PAH: variants seen among roughly 807,000 people sequenced by gnomAD.
PAH encodes phenylalanine-4-hydroxylase.
In PAH, 64 loss-of-function variants were observed where a neutral mutation model predicts 62.0. That is an observed-to-expected ratio of 1.03 (90% CI 0.84 to 1.27). The LOEUF (loss-of-function observed/expected upper bound fraction) is 1.27, where lower values mean the gene tolerates loss of function less well. Among genes scored for constraint, PAH ranks in the 50% most tolerant of loss-of-function variants. The pLI is 0.00. For synonymous variants in PAH, 195 were observed against 196.2 expected (o/e 0.99, Z 0.05); for missense variants, 579 against 542.8 (o/e 1.07, Z -0.66).
chr12:102,917,859 A>C (rs1329941529), upstream of PAH, among the ~76,000 whole-genome samples: 1 of 152,260 alleles, frequency 6.6e-6, no homozygotes, highest in Non-Finnish European at 1.5e-5. Flanking sequence ...GAAGGTTTTA[A>C]GAATAGGAAT....
At chr12:102,894,170 G>A (rs993104205) in intron 3 of PAH, among the ~76,000 whole-genome samples, 3 of 152,080 alleles carry the variant, frequency 2.0e-5, no homozygotes, top group Admixed American at 6.5e-5. Flanking sequence ...TATGGCTTTC[G>A]AGTTATCCCA....
rs542600394 is a variant in PAH at position 102,884,827 on chromosome 12, G to C, written c.353-7277C>G. On this transcript the variant is annotated intron_variant, in intron 3 of 12. Transcript: ENST00000553106. ...TTTTCCTCTAAAGTTACATTTTCTT[G>C]AGCGCTTATTATGCACCAGATACTG... Among the ~76,000 whole-genome samples the C allele has an allele frequency of 3.9e-4, 59 of 152,258 alleles. 1 individual carries two copies. In the South Asian group the frequency reaches 0.012, roughly 32 times the overall value.
intron 1 of PAH, among the ~76,000 whole-genome samples, chr12:102,955,988 G>T (rs1226824168): frequency 6.6e-6 from 1 of 152,098 alleles, no homozygotes; most frequent in African/African-American, 2.4e-5. Context: ...TTCGGGAGCC[G>T]CCCGTCATTA....
intron 4 of PAH, among the ~76,000 whole-genome samples, chr12:102,874,391 C>T (rs745536074): frequency 6.6e-6 from 1 of 152,148 alleles, no homozygotes; most frequent in Non-Finnish European, 1.5e-5. Flanking sequence ...AACCACAGGC[C>T]CCTGGAGGGC....
chr12:102,869,110 G>C (rs1876193629), intron 4 of PAH, among the ~76,000 whole-genome samples: 1 of 152,196 alleles, frequency 6.6e-6, no homozygotes, highest in African/African-American at 2.4e-5. Flanking sequence ...AGGAAGAAAA[G>C]AGAATTCCTT....
At chr12:102,865,385 T>C (rs1875912070) in intron 5 of PAH, among the ~76,000 whole-genome samples, 1 of 152,196 alleles carries the variant, frequency 6.6e-6, no homozygotes, top group African/African-American at 2.4e-5. Flanking sequence ...ACTAGCTACA[T>C]GATGTTGGCA....
intron 3 of PAH, among the ~76,000 whole-genome samples, chr12:102,883,465 G>A (rs182944015): frequency 3.8e-4 from 58 of 152,288 alleles, no homozygotes; most frequent in Non-Finnish European, 1.5e-4. Context: ...AATTCTTATC[G>A]GGCCACCTGG....
At chr12:102,874,961 G>A (rs1347460421) in intron 4 of PAH, among the ~76,000 whole-genome samples, 4 of 152,184 alleles carry the variant, frequency 2.6e-5, no homozygotes, top group African/African-American at 9.6e-5. Context: ...AGAGAACAGA[G>A]GGTCCTTTCG....
At position 102,861,817 on chromosome 12, in the gene PAH, A is replaced by C. The variant is rs532846662; in HGVS notation, c.509+4779T>G. On this transcript the variant is annotated intron_variant, in intron 5 of 12. Transcript: ENST00000553106. ...GGACACAGGAAGGGGAACATCACAC[A>C]CGGGCCTGTTGTGGGGTTGGGGGAA... is the stretch of plus-strand genomic sequence containing the variant. Among the ~76,000 whole-genome samples, 29 of 151,960 alleles carry C rather than the reference A, an allele frequency of 1.9e-4. No individual in the cohort carries two copies. In the East Asian group the frequency reaches 4.4e-3, roughly 23 times the overall value.
intron 3 of PAH, among the ~76,000 whole-genome samples, chr12:102,894,298 A>G (rs1313963748): frequency 6.6e-6 from 1 of 152,124 alleles, no homozygotes; most frequent in Non-Finnish European, 1.5e-5. Context: ...AATTATCTGT[A>G]TACCAAATTC....
rs886043085 is a variant in PAH, at chr12:102,840,505, C to G, written c.1210G>C (p.Ala404Pro). The stretch of plus-strand genomic sequence containing the variant: ...ACTGAGAAGGGCCGAGGTATTGTGG[C>G]AGCAAAGTTCCTAAGACCAAAACCA... Reference protein sequence around the residue: ...DAKEKVRNFAATIPRPFSVRY... With the variant: ...DAKEKVRNFAPTIPRPFSVRY... Residue 404 changes from alanine (A) to proline (P), a missense_variant, in exon 12 of 13, where the codon GCC becomes CCC. By Grantham distance (27) the Ala-to-Pro change is conservative (BLOSUM62 -1). Transcript: ENST00000553106. 6.2e-7 allele frequency: 1 copy of G among 1,613,110 alleles called. No homozygotes were observed. Among genetic ancestry groups the G allele is most frequent in the Non-Finnish European group, 8.5e-7 (1 of 1,179,202 alleles).
intron 1 of PAH, among the ~76,000 whole-genome samples, chr12:102,934,633 T>C (rs895049598): frequency 6.6e-6 from 1 of 152,070 alleles, no homozygotes; most frequent in African/African-American, 2.4e-5. Context: ...TGTAGAGACC[T>C]TTCACTTCTT....
intron 1 of PAH, chr12:102,915,141 ATTTCCC>A (rs1878335770): frequency 6.6e-6 from 1 of 151,960 alleles, no homozygotes; most frequent in Non-Finnish European, 1.5e-5. Flanking sequence ...TATTCACCAA[ATTTCCC>A]TTTCCAAGAT....
intron 1 of PAH, chr12:102,950,057 T>C (rs1879679031): frequency 6.6e-6 from 1 of 152,240 alleles, no homozygotes. Context: ...TCTATTTCTG[T>C]CTGTTTGTAC....
At chr12:102,852,781 G>T in intron 7 of PAH, 34 bp downstream of exon 7, 1 of 1,613,770 alleles carries the variant, frequency 6.2e-7, no homozygotes, top group Non-Finnish European at 8.5e-7. Flanking sequence ...CGCTCATTGT[G>T]CCTGGCAACT....
chr12:102,882,781 G>C (rs1050212734), intron 3 of PAH, among the ~76,000 whole-genome samples: 1 of 151,468 alleles, frequency 6.6e-6, no homozygotes, highest in African/African-American at 2.4e-5. Context: ...TGTGTAACTG[G>C]CAAGTGTCTT....
rs1337458948 is a variant in PAH at position 102,957,592 on chromosome 12, G to A, written c.-96+603C>T. 1 of 151,074 alleles carries A rather than the reference G, an allele frequency of 6.6e-6. No homozygotes were observed. The highest frequency in any genetic ancestry group is 1.5e-5 in the Non-Finnish European group (1 of 67,722). The allele number at this position is 151,074 out of a possible 1,614,324, so 9.4% of individuals were successfully genotyped here. ...GGCTGCAGCCGCTCGCTGCAGCAGC[G>A]GGGAGTGGGGGGCGAGGCGGGGCCA... On this transcript the variant is annotated intron_variant, in intron 1 of 4. Coordinates refer to the PAH transcript ENST00000551337. The surrounding 1 kb of genome is among the most constrained non-coding windows in gnomAD (Gnocchi z 4.1).
intron 1 of PAH, among the ~76,000 whole-genome samples, chr12:102,939,196 C>G (rs1418450345): frequency 1.3e-5 from 2 of 152,024 alleles, no homozygotes; most frequent in African/African-American, 4.8e-5. Flanking sequence ...AGCCCCGTGT[C>G]TCTCTCAAGT....
chr12:102,856,853 C>G (rs1169370653), intron 5 of PAH, among the ~76,000 whole-genome samples: 1 of 152,124 alleles, frequency 6.6e-6, no homozygotes, highest in Non-Finnish European at 1.5e-5. Context: ...CATCAAAGAC[C>G]AAAGGTAGAT....
Sources: gnomAD v4.1 joint callset for allele counts (sites outside exome capture counted in the v4.1 genomes callset) on GRCh38, gnomAD v4.1.1 for gene constraint, Gnocchi (gnomAD v3.1) non-coding constraint, MANE v1.5 for transcripts, NCBI Gene and HGNC (gene_info 2026-07-23, HGNC 2026-07-21) for gene names.